Variants in NELL1 observed in about 807,000 individuals in gnomAD.
NELL1 encodes the protein neural EGFL like 1, also known as protein kinase C-binding protein NELL1.
NELL1 carries 76 observed loss-of-function variants against 107.4 expected under a neutral mutation model. The ratio of observed to expected loss-of-function variants is 0.71; its 90% CI spans 0.59 to 0.86. The LOEUF (loss-of-function observed/expected upper bound fraction) is 0.86. Ranked by LOEUF, NELL1 falls within the 40% of genes least tolerant of loss-of-function variation. NELL1 has a pLI of 0.00. For synonymous variants in NELL1, 353 were observed against 341.2 expected (o/e 1.03, Z -0.38); for missense variants, 1,024 against 1,005.5 (o/e 1.02, Z -0.25).
intron 14 of NELL1, among the ~76,000 whole-genome samples, chr11:21,263,073 C>A (rs1021713168): frequency 2.0e-4 from 31 of 151,824 alleles, no homozygotes; most frequent in African/African-American, 7.5e-4. Context: ...TTTCTCATAG[C>A]ATACTCTGTT....
intron 14 of NELL1, among the ~76,000 whole-genome samples, chr11:21,275,758 A>G (rs1250729864): frequency 6.6e-6 from 1 of 152,216 alleles, no homozygotes; most frequent in Admixed American, 6.5e-5. Flanking sequence ...ACGCAAATCA[A>G]TAAATGTAAT....
intron 12 of NELL1, among the ~76,000 whole-genome samples, chr11:20,981,667 T>G (rs917178763): frequency 6.6e-6 from 1 of 152,168 alleles, no homozygotes; most frequent in African/African-American, 2.4e-5. Flanking sequence ...TTGGCCCTAT[T>G]TCTATTTGTC....
chr11:20,773,520 G>A (rs1223599241), intron 2 of NELL1: 1 of 150,638 alleles, frequency 6.6e-6, no homozygotes, highest in Non-Finnish European at 1.5e-5. Flanking sequence ...TTTTAAGATG[G>A]AGTCTGGCTC....
At chr11:21,070,250 A>G (rs1045346404) in intron 12 of NELL1, among the ~76,000 whole-genome samples, 2 of 152,164 alleles carry the variant, frequency 1.3e-5, no homozygotes, top group Admixed American at 6.6e-5. Context: ...GTATCTATAC[A>G]TATCTTGTCT....
At chr11:21,119,756 AG>A (rs1230231859) in intron 13 of NELL1, among the ~76,000 whole-genome samples, 6 of 151,946 alleles carry the variant, frequency 3.9e-5, no homozygotes, top group African/African-American at 1.4e-4. Context: ...TACAGGGAGG[AG>A]GGGTTTTTCT....
chr11:21,495,509 T>C (rs561019577), intron 15 of NELL1, among the ~76,000 whole-genome samples: 1 of 152,292 alleles, frequency 6.6e-6, no homozygotes, highest in Middle Eastern at 3.4e-3. Context: ...GTAATTCTCT[T>C]GGGTGTGTAT....
chr11:20,999,686 A>G (rs1459047832), intron 12 of NELL1, among the ~76,000 whole-genome samples: 1 of 151,426 alleles, frequency 6.6e-6, no homozygotes. Context: ...CTTGTTTTCT[A>G]AAAAGTTCAT....
At chr11:21,459,088 G>A (rs143536787) in intron 15 of NELL1, among the ~76,000 whole-genome samples, 9 of 152,140 alleles carry the variant, frequency 5.9e-5, no homozygotes, top group African/African-American at 1.2e-4. Context: ...CAGTCCAGTC[G>A]TGAGCCTTCT....
intron 2 of NELL1, among the ~76,000 whole-genome samples, chr11:20,740,711 TCTAGTAC>T (rs1469939818): frequency 6.6e-6 from 1 of 152,240 alleles, no homozygotes; most frequent in African/African-American, 2.4e-5. Flanking sequence ...ATATTCTTTT[TCTAGTAC>T]CTCCTTGGTT....
At chr11:21,060,249 C>A (rs1482991556) in intron 12 of NELL1, among the ~76,000 whole-genome samples, 2 of 152,276 alleles carry the variant, frequency 1.3e-5, no homozygotes, top group African/African-American at 2.4e-5. Flanking sequence ...GGACACTGGG[C>A]AAGTCACTTA....
chr11:20,974,921 T>C (rs966233652), intron 12 of NELL1, among the ~76,000 whole-genome samples: 1 of 152,208 alleles, frequency 6.6e-6, no homozygotes. Flanking sequence ...TTTTCCTAAA[T>C]CAACTTCGAC....
chr11:21,194,923 A>C (rs1051066053), intron 13 of NELL1, among the ~76,000 whole-genome samples: 1 of 152,148 alleles, frequency 6.6e-6, no homozygotes, highest in Non-Finnish European at 1.5e-5. Flanking sequence ...GCTAGCAATG[A>C]GCATCCCAGC....
At chr11:20,851,829 G>T (rs947228466) in intron 4 of NELL1, among the ~76,000 whole-genome samples, 2 of 152,190 alleles carry the variant, frequency 1.3e-5, no homozygotes, top group African/African-American at 4.8e-5. Flanking sequence ...AACCACCAGA[G>T]CCCCTCACAG....
rs375635854 is a variant in NELL1 at position 21,574,979 on chromosome 11, G to C, written c.2390G>C (p.Arg797Thr). ...PCTTCKCKNG[R>T]VCCSVDFECL... is the part of the protein sequence containing the mutation. ...TGTTTCTTTGATGTACAGAATGGAA[G>C]AGTCTGTTGTTCTGTGGATTTTGAG... is the stretch of plus-strand genomic sequence containing the variant. The change falls in exon 20 of 20, where the codon AGA (arginine) becomes ACA (threonine). Residue 797 changes from arginine to threonine, a missense_variant. Arg to Thr is a moderately conservative substitution (Grantham distance 71). Coordinates refer to ENST00000357134, the MANE Select transcript of NELL1 (RefSeq NM_006157.5). 114 of 1,610,712 alleles carry C rather than the reference G, an allele frequency of 7.1e-5. No individual in the cohort carries two copies. The highest frequency in any genetic ancestry group is 3.3e-4 in the Middle Eastern group (2 of 6,060).
At chr11:21,094,838 T>A (rs187421341) in intron 12 of NELL1, among the ~76,000 whole-genome samples, 1 of 152,320 alleles carries the variant, frequency 6.6e-6, no homozygotes, top group Non-Finnish European at 1.5e-5. Flanking sequence ...GGGCCTGTGA[T>A]GGAAGGGGTT....
chr11:21,038,378 T>C (rs1853146959), intron 12 of NELL1, among the ~76,000 whole-genome samples: 1 of 152,176 alleles, frequency 6.6e-6, no homozygotes, highest in African/African-American at 2.4e-5. Context: ...TCAATATGTT[T>C]TCTATGACTC....
rs1316634009 is a variant in NELL1, at chr11:21,295,087, C to T, written c.1549+65633C>T. 2.0e-5 allele frequency among the ~76,000 whole-genome samples: 3 copies of T among 151,972 alleles called. No individual in the cohort carries two copies. The East Asian group carries it at 5.8e-4, about 29-fold the overall frequency. ...CATTTCTGACTTTTAAAAATACTTA[C>T]CATATGTCAGGTATGGTTGTAATTG... On this transcript the variant is annotated intron_variant, in intron 14 of 19. Coordinates refer to ENST00000357134, the MANE Select transcript of NELL1 (RefSeq NM_006157.5).
At chr11:21,465,516 C>T (rs1441683398) in intron 15 of NELL1, among the ~76,000 whole-genome samples, 1 of 152,068 alleles carries the variant, frequency 6.6e-6, no homozygotes, top group African/African-American at 2.4e-5. Flanking sequence ...ATAGCATTTT[C>T]ATTTTCTTTC....
chr11:20,966,835 C>T (rs905092716), intron 12 of NELL1, among the ~76,000 whole-genome samples: 2 of 151,888 alleles, frequency 1.3e-5, no homozygotes, highest in African/African-American at 4.8e-5. Context: ...CTCCCCACCC[C>T]CTGCCGCCCC....
Sources: allele counts gnomAD v4.1 joint callset (sites outside exome capture counted in the v4.1 genomes callset), GRCh38; gene constraint gnomAD v4.1.1; transcripts MANE v1.5; gene names NCBI Gene and HGNC (gene_info 2026-07-23, HGNC 2026-07-21).